The following NBN variants were observed in gnomAD, a reference collection of about 807,000 sequenced individuals.
The protein encoded by NBN is nibrin.
In NBN, 88 loss-of-function variants were observed where a neutral mutation model predicts 90.8. That is an observed-to-expected ratio of 0.97 (90% CI 0.82 to 1.16). NBN has a LOEUF of 1.16. Among genes scored for constraint, NBN ranks in the 50% most tolerant of loss-of-function variants. The pLI is 0.00. For missense variants in NBN, 894 were observed against 869.6 expected (o/e 1.03, Z -0.35); for synonymous variants, 328 against 295.1 (o/e 1.11, Z -1.14).
chr8:89,949,306 T>A (rs1810337217), intron 11 of NBN, among the ~76,000 whole-genome samples: 1 of 152,330 alleles, frequency 6.6e-6, no homozygotes, highest in Non-Finnish European at 1.5e-5. Flanking sequence ...AGGGTTGCTG[T>A]AAATATAATA....
intron 15 of NBN, 101 bp downstream of exon 15, chr8:89,936,925 G>A (rs1398956923): frequency 2.3e-6 from 2 of 873,450 alleles, no homozygotes; most frequent in Non-Finnish European, 3.8e-6. Flanking sequence ...GGGACTAGGT[G>A]TCTATGAGGA....
rs767106269 is a variant in NBN, at chr8:89,953,666, T to G, written c.1423A>C (p.Met475Leu). ...ATTCTTGCTGATTTGCATGAAGACA[T>G]TTCTTGATTTTCTTCATCCCTTTCC... The part of the protein sequence containing the change: ...KRERDEENQE[M>L]SSCKSARIET... Residue 475 changes from methionine (M) to leucine (L), a missense_variant, in exon 11 of 16, where the codon ATG becomes CTG. By Grantham distance (15) the Met-to-Leu change is conservative. Transcript: ENST00000265433. 6.2e-6 allele frequency: 10 copies of G among 1,611,322 alleles called. No individual in the cohort carries two copies. Among genetic ancestry groups the G allele is most frequent in the Non-Finnish European group, 8.5e-6 (10 of 1,179,148 alleles).
At chr8:89,957,280 C>G (rs1810765561) in intron 9 of NBN, among the ~76,000 whole-genome samples, 3 of 152,116 alleles carry the variant, frequency 2.0e-5, no homozygotes, top group Non-Finnish European at 4.4e-5. Context: ...CCTAGGCTAA[C>G]ATGTATGTTT....
At chr8:89,978,085 T>C (rs1387666377) in intron 5 of NBN, 135 bp downstream of exon 5, 1 of 771,282 alleles carries the variant, frequency 1.3e-6, no homozygotes, top group African/African-American at 1.8e-5. Flanking sequence ...ACAAAAAACC[T>C]TCCATTAATA....
chr8:89,981,331 G>A, intron 3 of NBN, 44 bp downstream of exon 3: 1 of 1,577,402 alleles, frequency 6.3e-7, no homozygotes, highest in Non-Finnish European at 8.7e-7. Flanking sequence ...GGATTTGGCT[G>A]AAACAAAGCT....
chr8:89,977,111 G>T (rs564722766), intron 5 of NBN, among the ~76,000 whole-genome samples: 2 of 152,012 alleles, frequency 1.3e-5, no homozygotes, highest in Non-Finnish European at 2.9e-5. Flanking sequence ...ATGCAGATTT[G>T]TTACATAGGT....
intron 10 of NBN, among the ~76,000 whole-genome samples, chr8:89,954,747 A>G (rs1457457996): frequency 6.6e-6 from 1 of 152,156 alleles, no homozygotes; most frequent in Non-Finnish European, 1.5e-5. Flanking sequence ...TCCAAAGTTC[A>G]TACAGAAATG....
rs1812251824 is a variant in NBN, at chr8:89,984,654, T to C, written c.-93A>G. On this transcript the variant is annotated 5_prime_UTR_variant, in exon 1 of 16. Transcript: ENST00000265433. ...TACGGCGCCTGCGGTCGGCATGGGCTCCGGGACGTGCGCGCTCCCGGGAGC... is the reference window on the plus strand; with the variant it reads ...TACGGCGCCTGCGGTCGGCATGGGCCCCGGGACGTGCGCGCTCCCGGGAGC... The C allele has an allele frequency of 1.3e-6, 2 of 1,561,732 alleles. No individual in the cohort carries two copies. Among genetic ancestry groups the C allele is most frequent in the Admixed American group, 1.8e-5 (1 of 54,294 alleles).
At chr8:89,975,474 G>T (rs2129867810) in intron 5 of NBN, among the ~76,000 whole-genome samples, 1 of 152,188 alleles carries the variant, frequency 6.6e-6, no homozygotes, top group Middle Eastern at 3.4e-3. Flanking sequence ...CATCAAAATG[G>T]ATCCAGATAG....
chr8:89,982,845 G>A lies in NBN; in HGVS notation c.48C>T (p.Tyr16=), dbSNP rs2129926091. The change falls in exon 2 of 16, where the codon TAC becomes TAT. Residue 16 remains tyrosine, a synonymous_variant. Transcript: ENST00000265433. ...CGTACTCAACGCCAGTCAAAAGTCT[G>A]TATGGTTCTCCTGAGATAAATTTTT... The part of the protein sequence containing the change: ...PAAGPAGGEP[Y]RLLTGVEYVV... 1.2e-6 allele frequency: 2 copies of A among 1,613,374 alleles called. No individual in the cohort carries two copies. Among genetic ancestry groups the A allele is most frequent in the African/African-American group, 2.7e-5 (2 of 74,988 alleles).
chr8:89,941,678 G>T (rs1233738746), intron 14 of NBN, among the ~76,000 whole-genome samples: 1 of 152,070 alleles, frequency 6.6e-6, no homozygotes, highest in Non-Finnish European at 1.5e-5. Flanking sequence ...TCACTTAACT[G>T]TTTAAATAGG....
intron 8 of NBN, among the ~76,000 whole-genome samples, chr8:89,962,593 T>G (rs1322463302): frequency 6.6e-6 from 1 of 152,204 alleles, no homozygotes; most frequent in African/African-American, 2.4e-5. Flanking sequence ...AGCTTTTTAC[T>G]TTATGGATGA....
At position 89,981,589 on chromosome 8, in the gene NBN, T is replaced by G. The variant is rs2308961; in HGVS notation, c.172-66A>C. 4.3e-3 allele frequency: 6,833 copies of G among 1,572,930 alleles called. 251 individuals are homozygous for G. In the African/African-American group the frequency reaches 0.078, roughly 18 times the overall value. On this transcript the variant is annotated intron_variant, in intron 2 of 15. Transcript: ENST00000265433. ...GTACATTCACTTCTCAGAGAAAAAG[T>G]TTTCAAAAGAAAAGACAATAGGCAG...
Position 89,953,331 on chromosome 8 carries a change from A to T in NBN, c.1758T>A (p.Asp586Glu). Residue 586 changes from aspartate (D) to glutamate (E), a missense_variant, in exon 11 of 16, where the codon GAT (aspartate) becomes GAA (glutamate). Coordinates refer to ENST00000265433, the MANE Select transcript of NBN (RefSeq NM_002485.5). ...TCCTTGGCCTTTTTCTAACATTGAC[A>T]TCTTCCTCCTGTTTTTGAACTTTCA... ...IDVKVQKQEE[D>E]VNVRKRPRMD... is the part of the protein sequence containing the mutation. 6.2e-7 allele frequency: 1 copy of T among 1,613,542 alleles called. No individual in the cohort carries two copies. Among genetic ancestry groups the T allele is most frequent in the Non-Finnish European group, 8.5e-7 (1 of 1,179,812 alleles).
At chr8:89,936,338 G>A (rs1232453904) in intron 15 of NBN, among the ~76,000 whole-genome samples, 2 of 151,954 alleles carry the variant, frequency 1.3e-5, no homozygotes, top group Non-Finnish European at 2.9e-5. Flanking sequence ...GCCTCCCAAA[G>A]TGCTAGGATT....
chr8:89,958,925 A>G (rs925782234), intron 8 of NBN, 71 bp from the exon 9 acceptor site: 9 of 1,574,450 alleles, frequency 5.7e-6, no homozygotes, highest in Non-Finnish European at 7.8e-6. Flanking sequence ...GTCACTTAAA[A>G]TTGTTAGACT....
intron 10 of NBN, 51 bp from the exon 11 acceptor site, chr8:89,953,742 A>C: frequency 7.0e-7 from 1 of 1,424,712 alleles, no homozygotes; most frequent in Non-Finnish European, 9.6e-7. Flanking sequence ...GAACACAGCT[A>C]AGTAACCATT....
intron 5 of NBN, among the ~76,000 whole-genome samples, chr8:89,973,314 C>T (rs1016228061): frequency 2.6e-5 from 4 of 152,200 alleles, no homozygotes; most frequent in African/African-American, 9.7e-5. Flanking sequence ...TCCTTCAATT[C>T]CCTCAAGTAT....
Position 89,981,377 on chromosome 8 carries a change from G to A in NBN, c.318C>T (p.Phe106=), listed in dbSNP as rs1161413131. 1 of 1,613,732 alleles carries A rather than the reference G, an allele frequency of 6.2e-7. No individual in the cohort carries two copies. The highest frequency in any genetic ancestry group is 8.5e-7 in the Non-Finnish European group (1 of 1,179,812). The change falls in exon 3 of 16, where the codon TTC becomes TTT. Residue 106 remains phenylalanine (F), a splice_region_variant and synonymous_variant. Coordinates refer to ENST00000265433, the MANE Select transcript of NBN (RefSeq NM_002485.5). ...GITFGVFGSK[F]RIEYEPLVAC... ...AAATCAATTTTAAAATGTCTTACCT[G>A]AATTTACTTCCAAACACTCCAAAAG... is the stretch of plus-strand genomic sequence containing the variant.
Sources: gnomAD v4.1 joint callset for allele counts (sites outside exome capture counted in the v4.1 genomes callset) on GRCh38, gnomAD v4.1.1 for gene constraint, MANE v1.5 for transcripts, NCBI Gene and HGNC (gene_info 2026-07-23, HGNC 2026-07-21) for gene names.